Variants in CNTNAP2 observed in about 807,000 individuals in gnomAD.
CNTNAP2 encodes the protein contactin associated protein 2.
Under a neutral mutation model 155.2 loss-of-function variants are expected in CNTNAP2, and 98 were observed. That is an observed-to-expected ratio of 0.63 (90% CI 0.54 to 0.75). CNTNAP2 has a LOEUF of 0.75. Among genes scored for constraint, CNTNAP2 ranks in the 30% least tolerant of loss-of-function variants. The pLI is 0.00. For synonymous variants in CNTNAP2, 651 were observed against 631.2 expected, an observed-to-expected ratio of 1.03 and a Z score of -0.47; for missense variants, 1,727 against 1,688.1, an observed-to-expected ratio of 1.02 and a Z score of -0.40.
intron 1 of CNTNAP2, among the ~76,000 whole-genome samples, chr7:146,402,018 G>A (rs1329687467): frequency 6.6e-6 from 1 of 151,688 alleles, no homozygotes; most frequent in African/African-American, 2.4e-5. Context: ...TTCAACTAAG[G>A]GCATGAAATA....
At chr7:147,077,038 A>G (rs1470297753) in intron 4 of CNTNAP2, among the ~76,000 whole-genome samples, 1 of 152,130 alleles carries the variant, frequency 6.6e-6, no homozygotes, top group African/African-American at 2.4e-5. Flanking sequence ...ATGGTATTAG[A>G]TGTTTTAATT....
At chr7:146,981,864 A>C (rs1798024571) in intron 3 of CNTNAP2, among the ~76,000 whole-genome samples, 1 of 152,176 alleles carries the variant, frequency 6.6e-6, no homozygotes, top group African/African-American at 2.4e-5. Context: ...CCTTATATTG[A>C]AAAGGGCCGG....
intron 19 of CNTNAP2, among the ~76,000 whole-genome samples, chr7:148,219,457 G>C (rs1795703716): frequency 6.6e-6 from 1 of 152,176 alleles, no homozygotes; most frequent in Admixed American, 6.5e-5. Flanking sequence ...ACTATGGAAG[G>C]CTGAGGCAGG....
chr7:147,931,979 G>A (rs370506553), intron 14 of CNTNAP2, among the ~76,000 whole-genome samples: 8 of 152,048 alleles, frequency 5.3e-5, no homozygotes, highest in South Asian at 2.1e-4. Context: ...TCCGCCTCCC[G>A]TGCTCAGGCG....
chr7:146,174,549 T>C (rs1278432750), intron 1 of CNTNAP2, among the ~76,000 whole-genome samples: 1 of 152,084 alleles, frequency 6.6e-6, no homozygotes, highest in Admixed American at 6.5e-5. Context: ...TTGCTGATTC[T>C]ACTATAGGCT....
At chr7:146,932,714 A>G (rs1364736867) in intron 3 of CNTNAP2, among the ~76,000 whole-genome samples, 4 of 152,206 alleles carry the variant, frequency 2.6e-5, no homozygotes, top group Non-Finnish European at 5.9e-5. Context: ...AAATCTCCTT[A>G]AGCTGATAAG....
chr7:147,385,434 C>A (rs1271205949), intron 9 of CNTNAP2, among the ~76,000 whole-genome samples: 1 of 152,202 alleles, frequency 6.6e-6, no homozygotes, highest in Non-Finnish European at 1.5e-5. Context: ...AAATCAAAAG[C>A]AAGTTAGTTA....
intron 12 of CNTNAP2, among the ~76,000 whole-genome samples, chr7:147,633,187 C>T (rs560731776): frequency 6.6e-6 from 1 of 152,312 alleles, no homozygotes; most frequent in African/African-American, 2.4e-5. Flanking sequence ...GGTCAAGGAA[C>T]AGCTCAAGCC....
At chr7:146,617,483 C>T (rs1046101988) in intron 1 of CNTNAP2, among the ~76,000 whole-genome samples, 1 of 151,920 alleles carries the variant, frequency 6.6e-6, no homozygotes, top group African/African-American at 2.4e-5. Flanking sequence ...TACTTTGATT[C>T]ATAATTCTAT....
intron 8 of CNTNAP2, among the ~76,000 whole-genome samples, chr7:147,254,083 A>G (rs972515196): frequency 2.0e-4 from 30 of 152,160 alleles, no homozygotes; most frequent in African/African-American, 6.7e-4. Flanking sequence ...TATGGCATTC[A>G]TGTGATTTCT....
At chr7:146,248,602 G>T (rs1799704280) in intron 1 of CNTNAP2, among the ~76,000 whole-genome samples, 1 of 152,176 alleles carries the variant, frequency 6.6e-6, no homozygotes, top group African/African-American at 2.4e-5. Flanking sequence ...CGCCAAGATT[G>T]AAAGGAGAAA....
chr7:147,402,370 GCCAC>G (rs1395540098), intron 10 of CNTNAP2, among the ~76,000 whole-genome samples: 1 of 152,128 alleles, frequency 6.6e-6, no homozygotes, highest in Non-Finnish European at 1.5e-5. Context: ...TTCTGTCCCT[GCCAC>G]CCACTGTCAT....
intron 9 of CNTNAP2, among the ~76,000 whole-genome samples, chr7:147,388,263 A>C (rs1796654813): frequency 6.6e-6 from 1 of 152,238 alleles, no homozygotes. Flanking sequence ...TGGGCACTTC[A>C]TTACTTTTTG....
rs970210063 is a variant in CNTNAP2, at chr7:147,912,716, A to G, written c.2255+8995A>G. ...CTTTCATTAATGAGGCTCCTCAGGC[A>G]TTTGGATCCAAGCCAAACCTCCTCC... On this transcript the variant is annotated intron_variant, in intron 14 of 23. Transcript: ENST00000361727. Among the ~76,000 whole-genome samples the G allele has an allele frequency of 5.3e-5, 8 of 152,156 alleles. 1 individual carries two copies. Among genetic ancestry groups the G allele is most frequent in the African/African-American group, 1.9e-4 (8 of 41,430 alleles).
intron 1 of CNTNAP2, among the ~76,000 whole-genome samples, chr7:146,428,481 C>A (rs565072309): frequency 1.3e-5 from 2 of 151,670 alleles, no homozygotes; most frequent in Non-Finnish European, 2.9e-5. Context: ...TTTTGATTTA[C>A]GTTTTTTTAA....
At position 146,511,878 on chromosome 7, in the gene CNTNAP2, A is replaced by G. The variant is rs142989534; in HGVS notation, c.98-262393A>G. Among the ~76,000 whole-genome samples, 29 of 152,224 alleles carry G rather than the reference A, an allele frequency of 1.9e-4. No homozygotes were observed. In the East Asian group the frequency reaches 3.7e-3, roughly 19 times the overall value. On this transcript the variant is annotated intron_variant, in intron 1 of 23. Coordinates refer to ENST00000361727, the MANE Select transcript of CNTNAP2 (RefSeq NM_014141.6). ...ATTGGTTCTTCTTTAAAAATTTGGT[A>G]GAGTTCAGCAGTTCTCATTAAGTCC...
intron 1 of CNTNAP2, among the ~76,000 whole-genome samples, chr7:146,346,848 G>T (rs1040247504): frequency 6.6e-6 from 1 of 152,190 alleles, no homozygotes; most frequent in Non-Finnish European, 1.5e-5. Flanking sequence ...ATGGATGGGG[G>T]CTGCTGCTCC....
At chr7:147,830,906 A>T (rs1798535485) in intron 13 of CNTNAP2, among the ~76,000 whole-genome samples, 1 of 152,234 alleles carries the variant, frequency 6.6e-6, no homozygotes, top group African/African-American at 2.4e-5. Flanking sequence ...TGGCAAGTGT[A>T]TCCTCTCAAA....
intron 8 of CNTNAP2, among the ~76,000 whole-genome samples, chr7:147,139,362 G>T (rs960780174): frequency 3.3e-5 from 5 of 152,046 alleles, no homozygotes; most frequent in African/African-American, 1.2e-4. Flanking sequence ...AACTTTAGAT[G>T]TTTTTGCAAT....
Sources: gnomAD v4.1 joint callset for allele counts (sites outside exome capture counted in the v4.1 genomes callset) on GRCh38, gnomAD v4.1.1 for gene constraint, MANE v1.5 for transcripts, NCBI Gene and HGNC (gene_info 2026-07-23, HGNC 2026-07-21) for gene names.